Variants in C9orf153 observed in about 807,000 individuals in gnomAD.
C9orf153 encodes chromosome 9 open reading frame 153.
A neutral mutation model predicts 9.0 loss-of-function variants in C9orf153; 10 were observed. The observed-to-expected ratio is 1.11, with a 90% CI of 0.69 to 1.89. The LOEUF (loss-of-function observed/expected upper bound fraction) is 1.89. Among genes scored for constraint, C9orf153 ranks in the 40% most tolerant of loss-of-function variants. The pLI is 0.00. For missense variants in C9orf153, 108 were observed against 111.0 expected, an observed-to-expected ratio of 0.97 and a Z score of 0.12; for synonymous variants, 35 against 37.3, an observed-to-expected ratio of 0.94 and a Z score of 0.23.
chr9:86,228,092 C>G, intron 2 of C9orf153, 62 bp from the exon 3 acceptor site: 1 of 1,198,120 alleles, frequency 8.3e-7, no homozygotes, highest in East Asian at 2.5e-5. Context: ...TTCTGGCAGA[C>G]CTACAAACCC....
At chr9:86,257,850 T>C (rs904991323) in intron 1 of C9orf153, among the ~76,000 whole-genome samples, 1 of 152,134 alleles carries the variant, frequency 6.6e-6, no homozygotes, top group Non-Finnish European at 1.5e-5. Context: ...ACACAATGGA[T>C]GACAAAGGTG....
At chr9:86,225,354 C>T (rs1419882391) in intron 3 of C9orf153, among the ~76,000 whole-genome samples, 2 of 150,972 alleles carry the variant, frequency 1.3e-5, no homozygotes, top group Admixed American at 6.6e-5. Context: ...TTCCTTCCTT[C>T]CTTCCTTCCT....
chr9:86,251,424 T>C (rs554839169), intron 1 of C9orf153, among the ~76,000 whole-genome samples: 1 of 152,300 alleles, frequency 6.6e-6, no homozygotes, highest in Non-Finnish European at 1.5e-5. Context: ...TCTAGGTTTT[T>C]CACTGAAAAT....
intron 3 of C9orf153, chr9:86,227,243 C>T: frequency 7.8e-7 from 1 of 1,289,510 alleles, no homozygotes; most frequent in Non-Finnish European, 9.8e-7. Flanking sequence ...AACACATGTG[C>T]TCAAGTGATC....
At chr9:86,225,652 G>C (rs1824314304) in intron 3 of C9orf153, among the ~76,000 whole-genome samples, 1 of 152,024 alleles carries the variant, frequency 6.6e-6, no homozygotes, top group African/African-American at 2.4e-5. Context: ...GTAGAGACGG[G>C]GTTTCACCAT....
chr9:86,248,506 C>T (rs1025983137), intron 1 of C9orf153, among the ~76,000 whole-genome samples: 4 of 152,152 alleles, frequency 2.6e-5, no homozygotes, highest in African/African-American at 9.7e-5. Context: ...TTGCATGTCA[C>T]TGAGTTTTCT....
At chr9:86,242,087 AG>A (rs1192063425) in intron 1 of C9orf153, among the ~76,000 whole-genome samples, 6 of 152,210 alleles carry the variant, frequency 3.9e-5, no homozygotes, top group Non-Finnish European at 8.8e-5. Flanking sequence ...AACTTTAAAT[AG>A]GGTGGTTGTG....
intron 1 of C9orf153, among the ~76,000 whole-genome samples, chr9:86,236,654 GA>G (rs1171885875): frequency 6.6e-6 from 1 of 151,590 alleles, no homozygotes; most frequent in African/African-American, 2.4e-5. Flanking sequence ...AAATGTTAAA[GA>G]AGTTCTTCAG....
chr9:86,253,863 G>A (rs1825048016), intron 1 of C9orf153, among the ~76,000 whole-genome samples: 1 of 152,146 alleles, frequency 6.6e-6, no homozygotes, highest in Non-Finnish European at 1.5e-5. Context: ...AGGCCAAGGA[G>A]GGCAGATCAT....
chr9:86,226,175 T>TATG (rs1824327327), intron 3 of C9orf153, among the ~76,000 whole-genome samples: 1 of 152,230 alleles, frequency 6.6e-6, no homozygotes, highest in Non-Finnish European at 1.5e-5. Context: ...CGTAGGACTC[T>TATG]ATGAAAGGAT....
intron 1 of C9orf153, among the ~76,000 whole-genome samples, chr9:86,255,073 AAAAG>A (rs1345849524): frequency 2.6e-5 from 4 of 151,636 alleles, no homozygotes; most frequent in Non-Finnish European, 2.9e-5. Flanking sequence ...AGAAAAAAAA[AAAAG>A]AGAGAGAAAA....
intron 1 of C9orf153, among the ~76,000 whole-genome samples, chr9:86,234,847 A>G (rs1824544847): frequency 6.6e-6 from 1 of 152,200 alleles, no homozygotes; most frequent in Non-Finnish European, 1.5e-5. Flanking sequence ...AACACTTAGA[A>G]ATCAGCAATT....
At chr9:86,258,351 A>AAAG (rs913710246) in intron 1 of C9orf153, 2 of 151,608 alleles carry the variant, frequency 1.3e-5, no homozygotes, top group African/African-American at 4.9e-5. Context: ...CAAAAAAAAA[A>AAAG]AAAAAAAAAG....
rs571465861 is a variant in C9orf153, at chr9:86,224,743, C to T, written c.243-3010G>A. 1.0e-4 allele frequency among the ~76,000 whole-genome samples: 15 copies of T among 143,146 alleles called. No individual in the cohort carries two copies. In the South Asian group the frequency reaches 1.1e-3, roughly 10 times the overall value. 93.9% of individuals were successfully genotyped at this position (143,146 alleles called of 152,430 possible). A position where few individuals can be genotyped will look rare whatever the true frequency, so the allele number is the denominator to read the frequency against. On this transcript the variant is annotated intron_variant, in intron 3 of 3. Coordinates refer to ENST00000339137, the MANE Select transcript of C9orf153 (RefSeq NM_001276366.4). ...GAGATTGAGACTATCCTGGCTAATA[C>T]GGTAAAACCCCGTCTCTACTAAAAA...
At chr9:86,238,950 T>C (rs944928834) in intron 1 of C9orf153, among the ~76,000 whole-genome samples, 4 of 131,620 alleles carry the variant, frequency 3.0e-5, no homozygotes, top group African/African-American at 1.3e-4. Context: ...GTAATATAAT[T>C]CTATTTCTGT....
chr9:86,257,520 C>G (rs528644258), intron 1 of C9orf153, among the ~76,000 whole-genome samples: 1 of 152,306 alleles, frequency 6.6e-6, no homozygotes, highest in Admixed American at 6.5e-5. Context: ...TAGCTCCTGC[C>G]TGGTCTTTCC....
chr9:86,227,184 T>C, intron 3 of C9orf153: 2 of 724,158 alleles, frequency 2.8e-6, no homozygotes, highest in Non-Finnish European at 3.7e-6. Flanking sequence ...TCTTGCTCTG[T>C]TGCCAAGGCT....
intron 1 of C9orf153, among the ~76,000 whole-genome samples, chr9:86,236,291 C>T (rs1824584603): frequency 6.6e-6 from 1 of 152,044 alleles, no homozygotes; most frequent in South Asian, 2.1e-4. Context: ...TGTCTCATGC[C>T]TGTAATCCCA....
In C9orf153 at chr9:86,236,954, A is replaced by AC. The variant is rs1279101971; in HGVS notation, c.-26-7326_-26-7325insG. ...CGTCTCTAAATAAAAAAAAAAAAAA[A>AC]AACAAAATATAATGGCAAGAATGTA... On this transcript the variant is annotated intron_variant, in intron 1 of 3. Coordinates refer to ENST00000339137, the MANE Select transcript of C9orf153 (RefSeq NM_001276366.4). Among the ~76,000 whole-genome samples, 110 of 150,978 alleles carry AC rather than the reference A, an allele frequency of 7.3e-4. 2 individuals are homozygous for AC. In the East Asian group the frequency reaches 0.016, roughly 22 times the overall value.
Sources: gnomAD v4.1 joint callset for allele counts (sites outside exome capture counted in the v4.1 genomes callset) on GRCh38, gnomAD v4.1.1 for gene constraint, MANE v1.5 for transcripts, NCBI Gene and HGNC (gene_info 2026-07-23, HGNC 2026-07-21) for gene names.